Variants in P4HA3 observed in about 807,000 individuals in gnomAD.
The protein encoded by P4HA3 is prolyl 4-hydroxylase subunit alpha 3, also known as prolyl 4-hydroxylase subunit alpha-3.
In P4HA3, 60 loss-of-function variants were observed where a neutral mutation model predicts 66.7. The ratio of observed to expected loss-of-function variants is 0.90; its 90% confidence interval spans 0.73 to 1.12. The LOEUF is 1.12. Among genes scored for constraint, P4HA3 ranks in the 50% most tolerant of loss-of-function variants. The pLI, the probability that P4HA3 is intolerant of heterozygous loss-of-function variation, is 0.00. For synonymous variants in P4HA3, 263 were observed against 274.6 expected (o/e 0.96, Z 0.42); for missense variants, 683 against 685.8 (o/e 1.00, Z 0.05).
At chr11:74,309,403 C>G (rs1477112727) in intron 1 of P4HA3, among the ~76,000 whole-genome samples, 1 of 152,112 alleles carries the variant, frequency 6.6e-6, no homozygotes, top group Non-Finnish European at 1.5e-5. Context: ...ATGGGGTTGG[C>G]CAGCTGCTTT....
intron 11 of P4HA3, among the ~76,000 whole-genome samples, chr11:74,269,158 A>G (rs1159135628): frequency 1.3e-5 from 2 of 151,108 alleles, no homozygotes; most frequent in Non-Finnish European, 1.5e-5. Flanking sequence ...ATACTCATTC[A>G]TGAAGCAAAC....
At chr11:74,300,774 C>T (rs1333271929) in intron 3 of P4HA3, among the ~76,000 whole-genome samples, 3 of 152,236 alleles carry the variant, frequency 2.0e-5, no homozygotes, top group Non-Finnish European at 2.9e-5. Flanking sequence ...CCGAGGTATT[C>T]ATCCAAGAGA....
In P4HA3 at chr11:74,276,524, C is replaced by G. The variant is rs141988135; in HGVS notation, c.1335+461G>C. 8.3e-3 allele frequency among the ~76,000 whole-genome samples: 1,265 copies of G among 152,032 alleles called. 17 individuals carry two copies. Among genetic ancestry groups the G allele is most frequent in the African/African-American group, 0.029 (1,193 of 41,430 alleles). ...CTATGATGGTGCCACTACACTGCAG[C>G]CTGGGCAACAGAGCAAGATGCTGCC... On this transcript the variant is annotated intron_variant, in intron 9 of 12. Transcript: ENST00000331597.
At chr11:74,293,285 T>C (rs530253336) in intron 4 of P4HA3, among the ~76,000 whole-genome samples, 6 of 152,310 alleles carry the variant, frequency 3.9e-5, no homozygotes, top group Admixed American at 6.5e-5. Flanking sequence ...CTTTTTTTGT[T>C]TTCCATTTGC....
At chr11:74,263,618 T>A (rs1859944551), downstream of P4HA3, among the ~76,000 whole-genome samples, 1 of 152,236 alleles carries the variant, frequency 6.6e-6, no homozygotes, top group South Asian at 2.1e-4. Context: ...ATAGAACTCA[T>A]CTCATTTTGA....
Position 74,304,276 on chromosome 11 carries a change from T to G in P4HA3, c.337A>C (p.Ile113Leu). 6.2e-7 allele frequency: 1 copy of G among 1,613,844 alleles called. No homozygotes were observed. The change falls in exon 2 of 13, where the codon ATC (isoleucine) becomes CTC (leucine). Residue 113 changes from isoleucine to leucine, a missense_variant. Physicochemically the swap from Ile to Leu is conservative, Grantham distance 5. Coordinates refer to ENST00000331597, the MANE Select transcript of P4HA3 (RefSeq NM_182904.5). The part of the protein sequence containing the change: ...VVHSLEASEN[I>L]RALKDGYEKV... The stretch of plus-strand genomic sequence containing the variant: ...CAGCCCTCCTCCTCATTACCTCGGA[T>G]GTTCTCACTGGCCTCCAGACTATGT...
chr11:74,253,736 C>T lies in P4HA3; in HGVS notation c.*1319-5735G>A, dbSNP rs1859764204. ...GCTTCCCCAGTCCAGGGCTCCCCTG[C>T]TCCTTTCCCTTCCCTGTACTGGGGT... On this transcript the variant is annotated intron_variant and NMD_transcript_variant, in intron 15 of 15. Transcript: ENST00000524388. 6.6e-6 allele frequency: 4 copies of T among 607,060 alleles called. No homozygotes were observed. In the Admixed American group the frequency reaches 1.1e-4, roughly 17 times the overall value. 37.6% of individuals were successfully genotyped at this position (607,060 alleles called of 1,614,324 possible).
At chr11:74,285,120 A>C (rs1017805908) in intron 7 of P4HA3, among the ~76,000 whole-genome samples, 2 of 152,040 alleles carry the variant, frequency 1.3e-5, no homozygotes, top group African/African-American at 4.8e-5. Context: ...TACTGTAATA[A>C]AATTATGGGA....
At chr11:74,253,082 C>T (rs1859745292) in intron 15 of P4HA3, among the ~76,000 whole-genome samples, 1 of 152,132 alleles carries the variant, frequency 6.6e-6, no homozygotes, top group South Asian at 2.1e-4. Context: ...ATGGCTTCTG[C>T]GTTAGAGAAC....
chr11:74,282,094 G>A lies in P4HA3; in HGVS notation c.1111-2642C>T, dbSNP rs201407357. On this transcript the variant is annotated intron_variant, in intron 7 of 12. Coordinates refer to ENST00000331597, the MANE Select transcript of P4HA3 (RefSeq NM_182904.5). ...GAGGAGAAACTCATAGAAGAGAGAT[G>A]CTCCCTTCTGTTCTTTTAGGGCAAA... 6.1e-5 allele frequency among the ~76,000 whole-genome samples: 9 copies of A among 148,484 alleles called. No individual in the cohort carries two copies. The East Asian group carries it at 1.8e-3, about 29-fold the overall frequency.
chr11:74,283,716 T>C (rs535786038), intron 7 of P4HA3, among the ~76,000 whole-genome samples: 1 of 152,342 alleles, frequency 6.6e-6, no homozygotes, highest in South Asian at 2.1e-4. Context: ...ATACCACATA[T>C]CAGGCCCTTG....
chr11:74,300,565 G>A (rs1449076247), intron 3 of P4HA3, among the ~76,000 whole-genome samples: 1 of 152,152 alleles, frequency 6.6e-6, no homozygotes, highest in African/African-American at 2.4e-5. Context: ...AGGATCACTT[G>A]ATCAAGGCTG....
In P4HA3 at chr11:74,285,961, G is replaced by C. The variant is rs1170467365; in HGVS notation, c.958C>G (p.Leu320Val). The change falls in exon 7 of 13, where the codon CTC becomes GTC. Residue 320 changes from leucine to valine, a missense_variant. Transcript: ENST00000331597. Reference sequence around the variant, plus strand: ...GAATTGGTCTCATAGGAACAGTAGAGGCTAGGGATCTGGTAGAGAGTGGGC... The same window carrying C: ...GAATTGGTCTCATAGGAACAGTAGACGCTAGGGATCTGGTAGAGAGTGGGC... ...SQPTLYQIPS[L>V]YCSYETNSNA... is the part of the protein sequence containing the mutation. The C allele has an allele frequency of 6.2e-7, 1 of 1,610,118 alleles. No individual in the cohort carries two copies. The highest frequency in any genetic ancestry group is 2.2e-5 in the East Asian group (1 of 44,846).
chr11:74,304,825 C>T (rs1007447531), intron 1 of P4HA3, among the ~76,000 whole-genome samples: 6 of 151,998 alleles, frequency 3.9e-5, no homozygotes, highest in Non-Finnish European at 8.8e-5. Context: ...TATAGTGGTC[C>T]CCAACCTTTT....
intron 4 of P4HA3, among the ~76,000 whole-genome samples, chr11:74,290,252 G>C (rs534976445): frequency 6.6e-6 from 1 of 152,180 alleles, no homozygotes; most frequent in African/African-American, 2.4e-5. Context: ...CTTTTGAGAA[G>C]TGTCTGTTCA....
intron 10 of P4HA3, among the ~76,000 whole-genome samples, 177 bp from the exon 11 acceptor site, chr11:74,269,897 G>A (rs1474386317): frequency 6.6e-6 from 1 of 152,162 alleles, no homozygotes; most frequent in Non-Finnish European, 1.5e-5. Context: ...CAATGGCATT[G>A]GTGTTTGCCT....
chr11:74,266,337 G>C (rs927457280), downstream of P4HA3, among the ~76,000 whole-genome samples: 6 of 152,160 alleles, frequency 3.9e-5, no homozygotes, highest in Non-Finnish European at 7.3e-5. Flanking sequence ...AAATGGTGTA[G>C]TATTTGCATA....
chr11:74,281,869 TATAATAATAATA>T (rs57363098), intron 7 of P4HA3, among the ~76,000 whole-genome samples: 8 of 144,518 alleles, frequency 5.5e-5, no homozygotes, highest in South Asian at 2.2e-4. Context: ...AAACTTAAAG[TATAATAATAATA>T]ATAATAATAA....
At chr11:74,260,980 C>A (rs1859897453) in intron 14 of P4HA3, among the ~76,000 whole-genome samples, 1 of 152,178 alleles carries the variant, frequency 6.6e-6, no homozygotes, top group Non-Finnish European at 1.5e-5. Flanking sequence ...CCAGCGATGC[C>A]CCCTGCCCAG....
Sources: allele counts gnomAD v4.1 joint callset (sites outside exome capture counted in the v4.1 genomes callset), GRCh38; gene constraint gnomAD v4.1.1; transcripts MANE v1.5; gene names NCBI Gene and HGNC (gene_info 2026-07-23, HGNC 2026-07-21).